SEMA4D: variants seen among roughly 807,000 people sequenced by gnomAD.
The protein encoded by SEMA4D is semaphorin 4D.
Under a neutral mutation model 74.8 loss-of-function variants are expected in SEMA4D, and 22 were observed. That is an observed-to-expected ratio of 0.29 (90% CI 0.21 to 0.42). The LOEUF (loss-of-function observed/expected upper bound fraction) is 0.42. Among genes scored for constraint, SEMA4D ranks in the 10% least tolerant of loss-of-function variants. The probability of loss-of-function intolerance (pLI) is 1.00; values close to 1 mark genes in which losing one functional copy is unlikely to be tolerated. For synonymous variants in SEMA4D, 445 were observed against 463.7 expected, an observed-to-expected ratio of 0.96 and a Z score of 0.52; for missense variants, 937 against 1,118.4, an observed-to-expected ratio of 0.84 and a Z score of 2.31.
chr9:89,378,961 G>T lies in SEMA4D; in HGVS notation c.2332C>A (p.Pro778Thr), dbSNP rs1836343723. The change falls in exon 16 of 16, where the codon CCC becomes ACC. Residue 778 changes from proline (P) to threonine (T), a missense_variant. Coordinates refer to ENST00000422704, the MANE Select transcript of SEMA4D (RefSeq NM_001371194.2). ...RSALLIGKKK[P>T]KSDFCDREQS... is the part of the protein sequence containing the mutation. Reference sequence around the variant, plus strand: ...TCACGGTCACAGAAATCTGACTTGGGCTTCTTCTTCCCAATTAGTAGGGCC... The same window carrying T: ...TCACGGTCACAGAAATCTGACTTGGTCTTCTTCTTCCCAATTAGTAGGGCC... 6.2e-7 allele frequency: 1 copy of T among 1,613,982 alleles called. No homozygotes were observed. The highest frequency in any genetic ancestry group is 1.1e-5 in the South Asian group (1 of 91,080).
intron 13 of SEMA4D, among the ~76,000 whole-genome samples, chr9:89,382,682 G>T (rs1295794121): frequency 6.6e-6 from 1 of 152,234 alleles, no homozygotes; most frequent in Non-Finnish European, 1.5e-5. Flanking sequence ...TTCGGGCATC[G>T]CGCGGCTTGT....
downstream of SEMA4D, among the ~76,000 whole-genome samples, chr9:89,372,762 C>T (rs1029531696): frequency 3.3e-5 from 5 of 152,006 alleles, no homozygotes; most frequent in Admixed American, 2.6e-4. Flanking sequence ...CCCAGGGTAC[C>T]ATGCTTGGGG....
At chr9:89,447,593 G>A (rs896024743) in intron 2 of SEMA4D, among the ~76,000 whole-genome samples, 10 of 151,932 alleles carry the variant, frequency 6.6e-5, no homozygotes, top group South Asian at 4.2e-4. Context: ...ACTCCTCATC[G>A]ACATTGCTGC....
chr9:89,425,165 C>T (rs1847837750), intron 2 of SEMA4D, among the ~76,000 whole-genome samples: 1 of 152,178 alleles, frequency 6.6e-6, no homozygotes, highest in Non-Finnish European at 1.5e-5. Flanking sequence ...GAGAACTGGC[C>T]TGCATCCACC....
intron 4 of SEMA4D, among the ~76,000 whole-genome samples, chr9:89,402,507 G>A (rs1476500174): frequency 6.6e-6 from 1 of 152,116 alleles, no homozygotes; most frequent in Admixed American, 6.5e-5. Context: ...TTTCCAGTAA[G>A]AGATACCCAG....
At chr9:89,416,954 A>G (rs1204732166) in intron 2 of SEMA4D, among the ~76,000 whole-genome samples, 1 of 152,170 alleles carries the variant, frequency 6.6e-6, no homozygotes, top group Admixed American at 6.5e-5. Flanking sequence ...TAAAAAAATG[A>G]GAAGTGGCTT....
intron 1 of SEMA4D, among the ~76,000 whole-genome samples, chr9:89,488,889 A>T (rs573778910): frequency 7.9e-5 from 12 of 152,350 alleles, no homozygotes; most frequent in African/African-American, 2.9e-4. Flanking sequence ...TTTGCAATAC[A>T]AGTATCTGAC....
chr9:89,483,750 G>A (rs924716161), intron 1 of SEMA4D, among the ~76,000 whole-genome samples: 7 of 152,240 alleles, frequency 4.6e-5, no homozygotes, highest in East Asian at 1.9e-4. Context: ...GTGTGTGTGC[G>A]TGTGCTGCCT....
chr9:89,385,238 C>A (rs1564560446), intron 13 of SEMA4D: 3 of 983,190 alleles, frequency 3.1e-6, no homozygotes, highest in Middle Eastern at 5.2e-4. Context: ...CAGCCTGGGT[C>A]CCTAAGTGAC....
intron 1 of SEMA4D, among the ~76,000 whole-genome samples, chr9:89,474,656 T>C (rs1406049261): frequency 6.6e-6 from 1 of 152,170 alleles, no homozygotes; most frequent in East Asian, 1.9e-4. Context: ...ACATGAAATA[T>C]TAAGCCACTC....
chr9:89,369,813 C>T (rs927463927), intron 16 of SEMA4D, among the ~76,000 whole-genome samples: 1 of 152,196 alleles, frequency 6.6e-6, no homozygotes, highest in African/African-American at 2.4e-5. Context: ...CCACTTGCCA[C>T]GGGGCTGCAT....
At chr9:89,450,138 G>A (rs1587982312) in intron 2 of SEMA4D, 3 of 1,263,726 alleles carry the variant, frequency 2.4e-6, no homozygotes, top group South Asian at 2.4e-5. Context: ...GAAGCAGCAT[G>A]TCATCGATGG....
chr9:89,362,490 G>A, intron 18 of SEMA4D: 3 of 1,613,826 alleles, frequency 1.9e-6, no homozygotes, highest in Non-Finnish European at 2.5e-6. Context: ...CTGCTCTGCA[G>A]CCCAGTCTGT....
chr9:89,450,590 G>T, intron 2 of SEMA4D: 2 of 843,118 alleles, frequency 2.4e-6, no homozygotes, highest in Admixed American at 1.9e-5. Context: ...ACCTCTATAA[G>T]TCTGAGATGA....
chr9:89,389,022 A>T lies in SEMA4D; in HGVS notation c.800T>A (p.Leu267Ter). ...CAGGAAGGAGGTCCATTTCTTCTGCAAGGTCCTCAGGCCGCCCTGGTCCCC... is the reference window on the plus strand; with the variant it reads ...CAGGAAGGAGGTCCATTTCTTCTGCTAGGTCCTCAGGCCGCCCTGGTCCCC... ...CKGDQGGLRT[L>*]QKKWTSFLKA... Residue 267 changes from leucine to a stop codon, truncating the protein, a stop_gained, in exon 10 of 16, where the codon TTG becomes TAG. Coordinates refer to ENST00000422704, the MANE Select transcript of SEMA4D (RefSeq NM_001371194.2). LOFTEE classifies it high-confidence loss of function. 1 of 1,614,076 alleles carries T rather than the reference A, an allele frequency of 6.2e-7. No individual in the cohort carries two copies. The highest frequency in any genetic ancestry group is 8.5e-7 in the Non-Finnish European group (1 of 1,179,996).
chr9:89,421,352 T>C (rs187282020), intron 2 of SEMA4D, among the ~76,000 whole-genome samples: 16 of 152,224 alleles, frequency 1.1e-4, no homozygotes, highest in African/African-American at 3.6e-4. Flanking sequence ...CATTACACTC[T>C]GCTGAGCAGG....
At position 89,388,876 on chromosome 9, in the gene SEMA4D, G is replaced by C; in HGVS notation, c.946C>G (p.Gln316Glu). The C allele has an allele frequency of 6.2e-7, 1 of 1,613,926 alleles. No individual in the cohort carries two copies. The highest frequency in any genetic ancestry group is 8.5e-7 in the Non-Finnish European group (1 of 1,179,846). Reference sequence around the variant, plus strand: ...GACTCCACCCAGGGCACTTACAGCTGTGGGGTGAAGAGTGCATAGAACACA... The same window carrying C: ...GACTCCACCCAGGGCACTTACAGCTCTGGGGTGAAGAGTGCATAGAACACA... ...VPVFYALFTP[Q>E]LNNVGLSAVC... Residue 316 changes from glutamine to glutamate, a missense_variant, in exon 10 of 16, where the codon CAG becomes GAG. Gln to Glu is a conservative substitution (Grantham distance 29). Coordinates refer to ENST00000422704, the MANE Select transcript of SEMA4D (RefSeq NM_001371194.2).
chr9:89,459,443 G>A (rs1376383588), intron 1 of SEMA4D, among the ~76,000 whole-genome samples: 5 of 152,172 alleles, frequency 3.3e-5, no homozygotes, highest in East Asian at 3.8e-4. Flanking sequence ...TCCTGAGGAC[G>A]CAAAGAAACA....
In SEMA4D at chr9:89,379,258, C is replaced by T. The variant is rs144706165; in HGVS notation, c.2035G>A (p.Gly679Arg). The change falls in exon 16 of 16, where the codon GGG becomes AGG. Residue 679 changes from glycine to arginine, a missense_variant. Gly to Arg is a moderately radical substitution (Grantham distance 125). Coordinates refer to ENST00000422704, the MANE Select transcript of SEMA4D (RefSeq NM_001371194.2). ...ATKVLVASTQ[G>R]SSPPTPAVQA... ...ACGGCTGGGGTTGGGGGAGAAGACC[C>T]TTGGGTGGATGCCACCAACACTTTG... The T allele has an allele frequency of 3.2e-5, 52 of 1,613,992 alleles. No homozygotes were observed. The African/African-American group carries it at 6.7e-4, about 21-fold the overall frequency.
Sources: allele counts gnomAD v4.1 joint callset (sites outside exome capture counted in the v4.1 genomes callset), GRCh38; gene constraint gnomAD v4.1.1; transcripts MANE v1.5; gene names NCBI Gene and HGNC (gene_info 2026-07-23, HGNC 2026-07-21).